RAP1A: variants seen among roughly 807,000 people sequenced by gnomAD.
RAP1A encodes the protein RAP1A, member of RAS oncogene family.
In RAP1A, 6 loss-of-function variants were observed where a neutral mutation model predicts 26.4. That is an observed-to-expected ratio of 0.23 (90% CI 0.12 to 0.45). The LOEUF (loss-of-function observed/expected upper bound fraction) is 0.45, where lower values mean the gene tolerates loss of function less well. RAP1A is among the 20% of genes least tolerant of loss of function. The pLI, the probability that RAP1A is intolerant of heterozygous loss-of-function variation, is 0.99. For missense variants in RAP1A, 121 were observed against 217.2 expected (o/e 0.56, Z 2.78); for synonymous variants, 73 against 79.4 (o/e 0.92, Z 0.43).
At chr1:111,608,276 G>C (rs1046134569) in intron 1 of RAP1A, 1 of 143,474 alleles carries the variant, frequency 7.0e-6, no homozygotes, top group Non-Finnish European at 1.6e-5. Flanking sequence ...CGGCGGGGCA[G>C]AGGCTCTCCC....
Position 111,695,786 on chromosome 1 carries a change from A to T in RAP1A, c.126+377A>T, listed in dbSNP as rs1243609452. ...AACATTTTTATTTTTGTTTAGTTTT[A>T]TAAGTTTAAAGATATCTTTAGACTA... On this transcript the variant is annotated intron_variant, in intron 3 of 7. Coordinates refer to ENST00000369709, the MANE Select transcript of RAP1A (RefSeq NM_002884.4). Among the ~76,000 whole-genome samples, 3 of 152,210 alleles carry T rather than the reference A, an allele frequency of 2.0e-5. 1 individual carries two copies. Among genetic ancestry groups the T allele is most frequent in the Middle Eastern group, 3.2e-3 (1 of 316 alleles).
intron 1 of RAP1A, among the ~76,000 whole-genome samples, chr1:111,676,335 A>G (rs1661123634): frequency 6.6e-6 from 1 of 152,198 alleles, no homozygotes; most frequent in Admixed American, 6.5e-5. Flanking sequence ...TGGGTTATAG[A>G]GAGAGACTCT....
At chr1:111,652,725 T>C (rs950101068) in intron 1 of RAP1A, among the ~76,000 whole-genome samples, 38 of 152,152 alleles carry the variant, frequency 2.5e-4, no homozygotes, top group African/African-American at 9.2e-4. Context: ...ATAACAAGTG[T>C]TGGCCAGGAT....
Position 111,681,734 on chromosome 1 carries a change from C to T in RAP1A, c.-27-9600C>T, listed in dbSNP as rs150027039. ...CCAAACCTACGATTGATTGGTATAC[C>T]TGAAAGTGACGGGGAGAATGGAACC... is the stretch of plus-strand genomic sequence containing the variant. On this transcript the variant is annotated intron_variant, in intron 1 of 7. Transcript: ENST00000369709. Among the ~76,000 whole-genome samples the T allele has an allele frequency of 9.5e-4, 145 of 152,242 alleles. 1 individual carries two copies. The East Asian group carries it at 0.027, about 28-fold the overall frequency.
At chr1:111,693,380 T>C (rs1661728942) in intron 2 of RAP1A, among the ~76,000 whole-genome samples, 1 of 152,046 alleles carries the variant, frequency 6.6e-6, no homozygotes, top group Non-Finnish European at 1.5e-5. Flanking sequence ...TTTGTTTTTG[T>C]TTTAGAATTG....
chr1:111,546,148 G>C lies in RAP1A; in HGVS notation c.-28+3639G>C, dbSNP rs1657027260. ...TTTTAGGATCTGCTTGTCCATTTCTGCAAAAACCAAGGAGGCAGTTTGAAT... is the reference window on the plus strand; with the variant it reads ...TTTTAGGATCTGCTTGTCCATTTCTCCAAAAACCAAGGAGGCAGTTTGAAT... On this transcript the variant is annotated intron_variant, in intron 1 of 7. Transcript: ENST00000356415. Among the ~76,000 whole-genome samples, 3 of 152,008 alleles carry C rather than the reference G, an allele frequency of 2.0e-5. No individual in the cohort carries two copies. In the South Asian group the frequency reaches 6.2e-4, roughly 31 times the overall value.
chr1:111,610,791 T>C (rs998685313), intron 1 of RAP1A, among the ~76,000 whole-genome samples: 1 of 152,240 alleles, frequency 6.6e-6, no homozygotes, highest in East Asian at 1.9e-4. Context: ...CTACTGAATA[T>C]AACAGATCCA....
At chr1:111,642,800 T>TG in intron 1 of RAP1A, among the ~76,000 whole-genome samples, 1 of 149,908 alleles carries the variant, frequency 6.7e-6, no homozygotes, top group Non-Finnish European at 1.5e-5. Context: ...TTTTTTTTTT[T>TG]TTTGAGGCAA....
At chr1:111,712,348 T>C (rs1662410034) in intron 7 of RAP1A, 83 bp from the exon 8 acceptor site, 1 of 152,500 alleles carries the variant, frequency 6.6e-6, no homozygotes, top group Non-Finnish European at 1.5e-5. Context: ...TTTTATTTTA[T>C]TGAATACCTG....
intron 1 of RAP1A, among the ~76,000 whole-genome samples, chr1:111,631,316 G>C (rs1417955786): frequency 6.6e-6 from 1 of 152,112 alleles, no homozygotes; most frequent in Non-Finnish European, 1.5e-5. Flanking sequence ...CTTTAAACAC[G>C]TGAAATCCAT....
intron 1 of RAP1A, among the ~76,000 whole-genome samples, chr1:111,606,228 T>C (rs954536350): frequency 6.6e-6 from 1 of 152,182 alleles, no homozygotes; most frequent in Non-Finnish European, 1.5e-5. Context: ...TAGTCCTGGA[T>C]TCTTTTAGGT....
intron 1 of RAP1A, among the ~76,000 whole-genome samples, chr1:111,642,454 A>G (rs1311721377): frequency 6.6e-6 from 1 of 151,262 alleles, no homozygotes; most frequent in African/African-American, 2.4e-5. Flanking sequence ...TTCCTCCTGA[A>G]GTTAATGCGT....
At chr1:111,552,987 C>T (rs1233270884) in intron 1 of RAP1A, among the ~76,000 whole-genome samples, 8 of 152,212 alleles carry the variant, frequency 5.3e-5, no homozygotes, top group Non-Finnish European at 1.2e-4. Flanking sequence ...TTACAATGAG[C>T]AAGACTGACA....
chr1:111,555,574 C>T (rs1030953996), intron 1 of RAP1A, among the ~76,000 whole-genome samples: 7 of 151,718 alleles, frequency 4.6e-5, no homozygotes, highest in African/African-American at 1.7e-4. Flanking sequence ...ATGGAAACTA[C>T]AAAATATTAA....
At chr1:111,576,043 C>G (rs1341922283) in intron 1 of RAP1A, among the ~76,000 whole-genome samples, 3 of 152,228 alleles carry the variant, frequency 2.0e-5, no homozygotes, top group African/African-American at 7.2e-5. Flanking sequence ...GCCCTGCATA[C>G]TATTCTCTGC....
chr1:111,543,522 A>T (rs770332157), intron 1 of RAP1A, among the ~76,000 whole-genome samples: 2 of 152,158 alleles, frequency 1.3e-5, no homozygotes, highest in Non-Finnish European at 2.9e-5. Context: ...ATGTTAACAC[A>T]ATCCTTTCTG....
intron 1 of RAP1A, among the ~76,000 whole-genome samples, chr1:111,641,637 G>T (rs1020904569): frequency 2.0e-5 from 3 of 151,670 alleles, no homozygotes; most frequent in African/African-American, 7.3e-5. Flanking sequence ...GTGTGTGCGT[G>T]TGTGTGTGTG....
At chr1:111,626,957 G>C (rs916455296) in intron 1 of RAP1A, among the ~76,000 whole-genome samples, 1 of 152,140 alleles carries the variant, frequency 6.6e-6, no homozygotes, top group Non-Finnish European at 1.5e-5. Flanking sequence ...AATAGAAGCT[G>C]GAAACAAGCT....
chr1:111,609,260 A>G (rs1291363805), intron 1 of RAP1A, among the ~76,000 whole-genome samples: 1 of 152,102 alleles, frequency 6.6e-6, no homozygotes, highest in African/African-American at 2.4e-5. Flanking sequence ...GGATTTGAGA[A>G]TGCTTCACCT....
Sources: allele counts gnomAD v4.1 joint callset (sites outside exome capture counted in the v4.1 genomes callset), GRCh38; gene constraint gnomAD v4.1.1; transcripts MANE v1.5; gene names NCBI Gene and HGNC (gene_info 2026-07-23, HGNC 2026-07-21).